PPP2R1B: variants seen among roughly 807,000 people sequenced by gnomAD.
PPP2R1B encodes the protein serine/threonine-protein phosphatase 2A 65 kDa regulatory subunit A beta isoform.
PPP2R1B carries 58 observed loss-of-function variants against 72.7 expected under a neutral mutation model. The observed-to-expected ratio is 0.80, with a 90% CI of 0.65 to 0.99. The LOEUF (loss-of-function observed/expected upper bound fraction) is 0.99, where lower values mean the gene tolerates loss of function less well. Ranked by LOEUF, PPP2R1B falls within the 50% of genes least tolerant of loss-of-function variation. The pLI is 0.00. For missense variants in PPP2R1B, 695 were observed against 733.6 expected, an observed-to-expected ratio of 0.95 and a Z score of 0.61; for synonymous variants, 256 against 264.6, an observed-to-expected ratio of 0.97 and a Z score of 0.32.
At chr11:111,760,036 G>GT in intron 4 of PPP2R1B, 85 bp from the exon 5 acceptor site, 2 of 1,377,556 alleles carry the variant, frequency 1.5e-6, no homozygotes, top group Non-Finnish European at 2.0e-6. Flanking sequence ...ACTTTTAGAG[G>GT]TTTTATCTTA....
the PPP2R1B span, chr11:111,688,281 T>G: frequency 1.1e-6 from 1 of 947,694 alleles, no homozygotes; most frequent in Non-Finnish European, 1.6e-6. The surrounding 1 kb of genome is among the most constrained non-coding windows in gnomAD (Gnocchi z 4.2). Context: ...TCAGGCTATC[T>G]CAAAGTCCAT....
the PPP2R1B span, among the ~76,000 whole-genome samples, chr11:111,707,790 T>C: frequency 6.6e-6 from 1 of 152,308 alleles, no homozygotes; most frequent in Non-Finnish European, 1.5e-5. Flanking sequence ...AACAACATGA[T>C]CCAGTCAATA....
rs1042108607 is a variant in PPP2R1B, at chr11:111,742,211, A to G, written c.1698-67T>C. 1.4e-5 allele frequency: 16 copies of G among 1,169,914 alleles called. No individual in the cohort carries two copies. The African/African-American group carries it at 2.2e-4, about 16-fold the overall frequency. 72.5% of individuals were successfully genotyped at this position (1,169,914 alleles called of 1,614,324 possible). ...GCCATAGAAATCCTTTTTGGTGTAT[A>G]TGGTTAATGGTAATTGTTAAAATTT... On this transcript the variant is annotated intron_variant, in intron 13 of 14. Coordinates refer to ENST00000527614, the MANE Select transcript of PPP2R1B (RefSeq NM_002716.5).
the PPP2R1B span, chr11:111,720,578 C>A: frequency 6.2e-7 from 1 of 1,614,140 alleles, no homozygotes; most frequent in Non-Finnish European, 8.5e-7. Context: ...TGGAAGACAA[C>A]CCTTCCCTTA....
In PPP2R1B at chr11:111,738,437, A is replaced by G. The variant is rs1944405842; in HGVS notation, c.*3159T>C. 1 of 985,392 alleles carries G rather than the reference A, an allele frequency of 1.0e-6. No homozygotes were observed. Among genetic ancestry groups the G allele is most frequent in the African/African-American group, 1.7e-5 (1 of 57,260 alleles). 61.0% of individuals were successfully genotyped at this position (985,392 alleles called of 1,614,324 possible). A position where few individuals can be genotyped will look rare whatever the true frequency, so the allele number is the denominator to read the frequency against. ...CAGCCTTTCAGTTTAGTGACAACAC[A>G]ACAGTTAACAAAGGAACAAAAGTGC... is the stretch of plus-strand genomic sequence containing the variant. On this transcript the variant is annotated 3_prime_UTR_variant, in exon 15 of 15. Transcript: ENST00000527614.
rs782737144 is a variant in PPP2R1B, at chr11:111,755,308, T to C, written c.830A>G (p.Asp277Gly). The C allele has an allele frequency of 1.2e-6, 2 of 1,605,382 alleles. No individual in the cohort carries two copies. Among genetic ancestry groups the C allele is most frequent in the South Asian group, 1.1e-5 (1 of 88,838 alleles). ...TGATCACTTTACCTCTGAAAATCTG[T>C]CAGCCACCATATAGCGAACGCGCCA... The part of the protein sequence containing the change: ...KSWRVRYMVA[D>G]RFSELQKAMG... The change falls in exon 6 of 15, where the codon GAC (aspartate) becomes GGC (glycine). Residue 277 changes from aspartate (D) to glycine (G), a missense_variant. Physicochemically the swap from Asp to Gly is moderately conservative, Grantham distance 94 (BLOSUM62 -1). Transcript: ENST00000527614.
At chr11:111,746,982 AC>A (rs1021409807) in intron 11 of PPP2R1B, among the ~76,000 whole-genome samples, 1 of 152,140 alleles carries the variant, frequency 6.6e-6, no homozygotes, top group Non-Finnish European at 1.5e-5. Context: ...TAACAAAACC[AC>A]CCACACGTAT....
At chr11:111,745,121 G>A (rs756011189) in intron 11 of PPP2R1B, among the ~76,000 whole-genome samples, 7 of 147,564 alleles carry the variant, frequency 4.7e-5, no homozygotes, top group Non-Finnish European at 8.9e-5. Context: ...GCGAGATCTC[G>A]GCTCACTGCA....
chr11:111,736,631 G>A (rs184673357), downstream of PPP2R1B, among the ~76,000 whole-genome samples: 99 of 152,296 alleles, frequency 6.5e-4, no homozygotes, highest in African/African-American at 2.4e-3. Context: ...AGGCAAGAAT[G>A]TTCTAAGATG....
intron 11 of PPP2R1B, 107 bp from the exon 12 acceptor site, chr11:111,743,637 G>T: frequency 7.8e-7 from 1 of 1,284,372 alleles, no homozygotes; most frequent in Non-Finnish European, 1.1e-6. Flanking sequence ...AAACCCCTCT[G>T]CAATCAGACT....
chr11:111,765,232 A>G, intron 2 of PPP2R1B, 62 bp downstream of exon 2: 1 of 1,454,276 alleles, frequency 6.9e-7, no homozygotes, highest in Non-Finnish European at 9.5e-7. Context: ...TAAAAAAGTC[A>G]GTGTTGAAAG....
chr11:111,763,262 G>A (rs1413138468), intron 3 of PPP2R1B, among the ~76,000 whole-genome samples: 1 of 152,200 alleles, frequency 6.6e-6, no homozygotes, highest in African/African-American at 2.4e-5. Flanking sequence ...AAAACAGAAA[G>A]ATGACCAATG....
downstream of PPP2R1B, chr11:111,737,756 C>T (rs1944381225): frequency 8.3e-6 from 11 of 1,333,300 alleles, no homozygotes; most frequent in South Asian, 1.2e-4. Context: ...GCTGAGGTGC[C>T]TTTCCCTCGG....
the PPP2R1B span, among the ~76,000 whole-genome samples, chr11:111,689,654 AG>A: frequency 6.6e-6 from 1 of 152,196 alleles, no homozygotes; most frequent in Non-Finnish European, 1.5e-5. Context: ...TTGACCTGTT[AG>A]GTTGGATACT....
rs782452530 is a variant in PPP2R1B at position 111,754,582 on chromosome 11, T to A, written c.959-13A>T. 1 of 1,590,130 alleles carries A rather than the reference T, an allele frequency of 6.3e-7. No individual in the cohort carries two copies. The highest frequency in any genetic ancestry group is 8.5e-7 in the Non-Finnish European group (1 of 1,174,216). The stretch of plus-strand genomic sequence containing the variant: ...TTCTCACCAAGTTCTAAAAGATAAA[T>A]AGAAAAAAAGAATGCTTTCACAGGG... On this transcript the variant is annotated splice_polypyrimidine_tract_variant and intron_variant, in intron 7 of 14. Transcript: ENST00000527614.
rs1944543687 is a variant in PPP2R1B at position 111,742,101 on chromosome 11, G to C, written c.1741C>G (p.Gln581Glu). The C allele has an allele frequency of 6.2e-7, 1 of 1,613,770 alleles. No homozygotes were observed. The highest frequency in any genetic ancestry group is 8.5e-7 in the Non-Finnish European group (1 of 1,179,810). Residue 581 changes from glutamine (Q) to glutamate (E), a missense_variant, in exon 14 of 15, where the codon CAA becomes GAA. Transcript: ENST00000527614. The stretch of plus-strand genomic sequence containing the variant: ...TATTTGACATCCATGTCTTCATCTT[G>C]ACCTAACTTCTGTAGTACTGGCTTC... ...EVKPVLQKLG[Q>E]DEDMDVKYFA...
rs764053128 is a variant in PPP2R1B at position 111,743,452 on chromosome 11, G to C, written c.1478C>G (p.Thr493Ser). ...QKFGTEWAQN[T>S]IVPKVLVMAN... ...CATTACTAACACTTTGGGAACAATA[G>C]TATTTTGGGCCCACTCTGTACCAAA... Residue 493 changes from threonine (T) to serine (S), a missense_variant, in exon 12 of 15, where the codon ACT becomes AGT. Transcript: ENST00000527614. 2 of 1,613,594 alleles carry C rather than the reference G, an allele frequency of 1.2e-6. No homozygotes were observed. Among genetic ancestry groups the C allele is most frequent in the Non-Finnish European group, 1.7e-6 (2 of 1,179,688 alleles).
intron 15 of PPP2R1B, chr11:111,729,159 G>T (rs945848030): frequency 1.3e-5 from 2 of 152,114 alleles, no homozygotes; most frequent in Non-Finnish European, 2.9e-5. Flanking sequence ...TCCTAATTAA[G>T]GTAGCCTAGC....
At chr11:111,744,052 T>G (rs1944618012) in intron 11 of PPP2R1B, among the ~76,000 whole-genome samples, 1 of 152,072 alleles carries the variant, frequency 6.6e-6, no homozygotes. Context: ...CGGGGAGGAA[T>G]TCCTAGAAAG....
Sources: allele counts gnomAD v4.1 joint callset (sites outside exome capture counted in the v4.1 genomes callset), GRCh38; gene constraint gnomAD v4.1.1; non-coding constraint Gnocchi (gnomAD v3.1); transcripts MANE v1.5; gene names NCBI Gene and HGNC (gene_info 2026-07-23, HGNC 2026-07-21).